The following RCOR3 variants were observed in gnomAD, a reference collection of about 807,000 sequenced individuals.
RCOR3 encodes the protein REST corepressor 3.
Under a neutral mutation model 64.1 loss-of-function variants are expected in RCOR3, and 13 were observed. That is an observed-to-expected ratio of 0.20 (90% confidence interval 0.13 to 0.32). RCOR3 has a LOEUF of 0.32. Among genes scored for constraint, RCOR3 ranks in the 10% least tolerant of loss-of-function variants. The probability of loss-of-function intolerance (pLI) is 1.00; values close to 1 mark genes in which losing one functional copy is unlikely to be tolerated. For synonymous variants in RCOR3, 215 were observed against 239.0 expected (o/e 0.90, Z 0.93); for missense variants, 489 against 701.2 (o/e 0.70, Z 3.42).
At chr1:211,295,276 G>A (rs1372151488) in intron 8 of RCOR3, among the ~76,000 whole-genome samples, 1 of 151,858 alleles carries the variant, frequency 6.6e-6, no homozygotes, top group African/African-American at 2.4e-5. Flanking sequence ...TGAGAATGAT[G>A]TTTTATATAT....
intron 9 of RCOR3, among the ~76,000 whole-genome samples, chr1:211,296,920 A>T (rs1322058321): frequency 6.6e-6 from 1 of 152,138 alleles, no homozygotes; most frequent in Non-Finnish European, 1.5e-5. Context: ...GTAATCTAAA[A>T]TGTAAATAAA....
chr1:211,269,632 G>T (rs1695812406), intron 2 of RCOR3, among the ~76,000 whole-genome samples: 6 of 152,098 alleles, frequency 3.9e-5, no homozygotes, highest in Admixed American at 3.3e-4. Flanking sequence ...TCATTTGTTG[G>T]TAGTTTTAAT....
Position 211,313,259 on chromosome 1 carries a change from T to C in RCOR3, c.1318-165T>C. The C allele has an allele frequency of 7.0e-7, 1 of 1,431,888 alleles. No homozygotes were observed. Among genetic ancestry groups the C allele is most frequent in the Non-Finnish European group, 9.1e-7 (1 of 1,098,678 alleles). 88.7% of individuals were successfully genotyped at this position (1,431,888 alleles called of 1,614,324 possible). A position where few individuals can be genotyped will look rare whatever the true frequency, so the allele number is the denominator to read the frequency against. On this transcript the variant is annotated intron_variant, in intron 11 of 11. Coordinates refer to ENST00000419091, the MANE Select transcript of RCOR3 (RefSeq NM_001136223.3). The surrounding 1 kb of genome is among the most constrained non-coding windows in gnomAD (Gnocchi z 4.7). ...CTCATTGGTTTTTGGTTTTTGGTTT[T>C]GTTTTGTTTAAAATAAAAGAAGCTT...
At chr1:211,270,581 G>A (rs937969191) in intron 2 of RCOR3, among the ~76,000 whole-genome samples, 4 of 150,614 alleles carry the variant, frequency 2.7e-5, no homozygotes, top group East Asian at 1.9e-4. Flanking sequence ...ATTCTCTCTC[G>A]TTTAAAAGTC....
chr1:211,288,343 A>C (rs1294288414), intron 7 of RCOR3, among the ~76,000 whole-genome samples: 1 of 150,960 alleles, frequency 6.6e-6, no homozygotes, highest in East Asian at 1.9e-4. Flanking sequence ...ATAATGAAAT[A>C]ATGCCTAAAA....
chr1:211,288,687 GT>G (rs1487261401), intron 7 of RCOR3, among the ~76,000 whole-genome samples: 1 of 151,388 alleles, frequency 6.6e-6, no homozygotes, highest in Non-Finnish European at 1.5e-5. Flanking sequence ...TAGAGGCGTA[GT>G]TTTCTTTCAG....
chr1:211,306,918 T>G (rs1240972992), intron 10 of RCOR3, among the ~76,000 whole-genome samples: 2 of 152,160 alleles, frequency 1.3e-5, no homozygotes, highest in African/African-American at 4.8e-5. Context: ...CCAGGTAGGG[T>G]ATCATTAATA....
Position 211,283,133 on chromosome 1 carries a change from A to T in RCOR3, c.720+3817A>T, listed in dbSNP as rs1163048040. ...CACTGCTGATATGAACATGTTCTGG[A>T]TACACATGTCTGAGAGTTCCTTTGG... is the stretch of plus-strand genomic sequence containing the variant. On this transcript the variant is annotated intron_variant, in intron 7 of 11. Coordinates refer to ENST00000419091, the MANE Select transcript of RCOR3 (RefSeq NM_001136223.3). Among the ~76,000 whole-genome samples, 2 of 152,196 alleles carry T rather than the reference A, an allele frequency of 1.3e-5. 1 individual carries two copies. Among genetic ancestry groups the T allele is most frequent in the Middle Eastern group, 6.3e-3 (2 of 316 alleles).
chr1:211,300,962 T>C lies in RCOR3; in HGVS notation c.1018-3121T>C, dbSNP rs371978963. 7.9e-5 allele frequency among the ~76,000 whole-genome samples: 12 copies of C among 152,190 alleles called. No individual in the cohort carries two copies. The South Asian group carries it at 2.1e-3, about 26-fold the overall frequency. On this transcript the variant is annotated intron_variant, in intron 9 of 11. Coordinates refer to ENST00000419091, the MANE Select transcript of RCOR3 (RefSeq NM_001136223.3). ...ACTACCCTAAATTCAAGCCAACAGC[T>C]TCATCTGTGGTTTAACCGAAAAACT...
chr1:211,261,183 T>A (rs966262203), intron 2 of RCOR3: 2 of 152,228 alleles, frequency 1.3e-5, no homozygotes, highest in African/African-American at 2.4e-5. Flanking sequence ...CTATGTTAGA[T>A]ATTAAAGAGC....
At chr1:211,282,650 C>G (rs1305036679) in intron 7 of RCOR3, among the ~76,000 whole-genome samples, 1 of 152,088 alleles carries the variant, frequency 6.6e-6, no homozygotes, top group Non-Finnish European at 1.5e-5. Context: ...AGGCATGCGT[C>G]ACCATGCCTG....
chr1:211,301,441 ACAACTATTG>A (rs1700370004), intron 9 of RCOR3: 1 of 152,182 alleles, frequency 6.6e-6, no homozygotes, highest in African/African-American at 2.4e-5. Flanking sequence ...AAAACAAAAC[ACAACTATTG>A]CTTATTAAAT....
chr1:211,274,141 G>T, intron 3 of RCOR3, 69 bp from the exon 4 acceptor site: 1 of 1,087,910 alleles, frequency 9.2e-7, no homozygotes, highest in South Asian at 1.5e-5. Context: ...GCTATGTTAA[G>T]AACAAAAGTA....
intron 2 of RCOR3, among the ~76,000 whole-genome samples, chr1:211,264,947 G>A (rs1020964770): frequency 6.6e-6 from 1 of 152,100 alleles, no homozygotes; most frequent in Non-Finnish European, 1.5e-5. Context: ...TTTATCATAT[G>A]CCTTTAATCT....
intron 2 of RCOR3, among the ~76,000 whole-genome samples, chr1:211,268,365 CTTTCTTTT>C (rs1695560998): frequency 2.3e-5 from 2 of 85,318 alleles, no homozygotes; most frequent in East Asian, 7.2e-4. Context: ...AGTTTCTTTT[CTTTCTTTT>C]TTTTTTTTTT....
intron 7 of RCOR3, among the ~76,000 whole-genome samples, chr1:211,279,520 A>G (rs932858629): frequency 6.6e-6 from 1 of 152,228 alleles, no homozygotes; most frequent in African/African-American, 2.4e-5. Context: ...CTGGAAAAAG[A>G]TCTGAGTTTG....
At chr1:211,282,992 GTTA>G (rs920747034) in intron 7 of RCOR3, among the ~76,000 whole-genome samples, 52 of 152,036 alleles carry the variant, frequency 3.4e-4, no homozygotes, top group African/African-American at 1.1e-3. Flanking sequence ...CTTGCCTTTT[GTTA>G]TTATTTTTGC....
At chr1:211,281,894 C>T (rs1697863402) in intron 7 of RCOR3, among the ~76,000 whole-genome samples, 1 of 152,090 alleles carries the variant, frequency 6.6e-6, no homozygotes, top group Admixed American at 6.6e-5. Flanking sequence ...GTGGTGAGCT[C>T]TTTAAGAGCA....
At chr1:211,296,760 GACAA>G (rs1699897435) in intron 9 of RCOR3, among the ~76,000 whole-genome samples, 1 of 152,056 alleles carries the variant, frequency 6.6e-6, no homozygotes, top group Non-Finnish European at 1.5e-5. Flanking sequence ...CAGGTAGACT[GACAA>G]ACATTCTAGT....
Sources: gnomAD v4.1 joint callset for allele counts (sites outside exome capture counted in the v4.1 genomes callset) on GRCh38, gnomAD v4.1.1 for gene constraint, Gnocchi (gnomAD v3.1) non-coding constraint, MANE v1.5 for transcripts, NCBI Gene and HGNC (gene_info 2026-07-23, HGNC 2026-07-21) for gene names.